Variants in RAP1GAP2 observed in about 807,000 individuals in gnomAD.
The protein encoded by RAP1GAP2 is RAP1 GTPase activating protein 2.
Under a neutral mutation model 95.0 loss-of-function variants are expected in RAP1GAP2, and 27 were observed. That is an observed-to-expected ratio of 0.28 (90% confidence interval 0.21 to 0.39). The LOEUF (loss-of-function observed/expected upper bound fraction) is 0.39. RAP1GAP2 is among the 10% of genes least tolerant of loss of function. RAP1GAP2 has a pLI of 1.00. For synonymous variants in RAP1GAP2, 373 were observed against 380.9 expected (o/e 0.98, Z 0.24); for missense variants, 771 against 970.0 (o/e 0.79, Z 2.72).
rs138323334 is a variant in RAP1GAP2, at chr17:2,933,999, A to G, written c.166-23760A>G. Among the ~76,000 whole-genome samples the G allele has an allele frequency of 8.9e-3, 1,353 of 152,362 alleles. 12 individuals carry two copies. The highest frequency in any genetic ancestry group is 0.03 in the African/African-American group (1,236 of 41,584). On this transcript the variant is annotated intron_variant, in intron 3 of 24. Coordinates refer to ENST00000254695, the MANE Select transcript of RAP1GAP2 (RefSeq NM_015085.5). ...TGGGGCCGATTGCCCCAAGGCAGCCACGCCCTTACAGAGCCTCTTGCAAAT... is the reference window on the plus strand; with the variant it reads ...TGGGGCCGATTGCCCCAAGGCAGCCGCGCCCTTACAGAGCCTCTTGCAAAT...
intron 3 of RAP1GAP2, among the ~76,000 whole-genome samples, chr17:2,908,653 C>T (rs1257691008): frequency 6.6e-6 from 1 of 151,988 alleles, no homozygotes; most frequent in East Asian, 1.9e-4. Context: ...CATGGGACAA[C>T]CATTCTCTGA....
In RAP1GAP2 at chr17:2,756,702, A is replaced by G. The variant is rs575112890; in HGVS notation, c.50+935A>G. Among the ~76,000 whole-genome samples, 6 of 152,236 alleles carry G rather than the reference A, an allele frequency of 3.9e-5. No individual in the cohort carries two copies. In the East Asian group the frequency reaches 9.6e-4, roughly 24 times the overall value. Reference sequence around the variant, plus strand: ...AGGTACATTCTGTAGCCTGCATACAATGAACAATAATGTCATCAATAACAG... The same window carrying G: ...AGGTACATTCTGTAGCCTGCATACAGTGAACAATAATGTCATCAATAACAG... On this transcript the variant is annotated intron_variant, in intron 1 of 25. Coordinates refer to the RAP1GAP2 transcript ENST00000637138.
chr17:3,005,901 CCTT>C lies in RAP1GAP2; in HGVS notation c.1273-51_1273-49del. 1.3e-6 allele frequency: 2 copies of C among 1,536,542 alleles called. No individual in the cohort carries two copies. The highest frequency in any genetic ancestry group is 1.8e-6 in the Non-Finnish European group (2 of 1,109,648). On this transcript the variant is annotated intron_variant, in intron 15 of 24. Transcript: ENST00000254695. This position sits in a 1 kb window ranked among gnomAD's most constrained non-coding sequence, Gnocchi z 5.2. ...GCCTGCCTGTCACTGTGGCTGAAGACCTTCTGGCAACAGCCGAGAGTGACAGAC... is the reference window on the plus strand; with the variant it reads ...GCCTGCCTGTCACTGTGGCTGAAGACCTGGCAACAGCCGAGAGTGACAGAC...
At chr17:2,785,535 T>C (rs1315137535) in intron 1 of RAP1GAP2, among the ~76,000 whole-genome samples, 3 of 152,300 alleles carry the variant, frequency 2.0e-5, no homozygotes, top group Middle Eastern at 3.4e-3. Flanking sequence ...TTCCAGACAC[T>C]GTATGAAAAA....
intron 2 of RAP1GAP2, among the ~76,000 whole-genome samples, chr17:2,830,956 TCCC>T (rs1244331133): frequency 1.0e-5 from 1 of 95,406 alleles, no homozygotes; most frequent in Non-Finnish European, 2.1e-5. Context: ...TCCCTTCCCC[TCCC>T]CTCCCCTTCC....
At chr17:2,910,561 G>A (rs890159899) in intron 3 of RAP1GAP2, among the ~76,000 whole-genome samples, 11 of 152,262 alleles carry the variant, frequency 7.2e-5, no homozygotes, top group African/African-American at 2.6e-4. Flanking sequence ...CTCAGGGAGG[G>A]TGTGGCAGGG....
chr17:3,008,686 T>G lies in RAP1GAP2; in HGVS notation c.1494+541T>G, dbSNP rs34773000. On this transcript the variant is annotated intron_variant, in intron 17 of 24. Coordinates refer to ENST00000254695, the MANE Select transcript of RAP1GAP2 (RefSeq NM_015085.5). The surrounding 1 kb of genome is among the most constrained non-coding windows in gnomAD (Gnocchi z 4.2). ...AAAAAAACTAACTAGAAGGAGCTGC[T>G]AAAGGAAGCAGTGAGCTCCCTGTCC... is the stretch of plus-strand genomic sequence containing the variant. Among the ~76,000 whole-genome samples, 22,947 of 152,228 alleles carry G rather than the reference T, an allele frequency of 0.15. 1,992 individuals carry two copies. Among genetic ancestry groups the G allele is most frequent in the Middle Eastern group, 0.27 (78 of 294 alleles).
intron 2 of RAP1GAP2, among the ~76,000 whole-genome samples, chr17:2,893,613 C>T (rs564426988): frequency 1.3e-5 from 2 of 152,318 alleles, no homozygotes; most frequent in East Asian, 3.9e-4. Context: ...TGCTGATAGC[C>T]CACACCTTGT....
At chr17:2,927,359 T>G (rs868322395) in intron 3 of RAP1GAP2, among the ~76,000 whole-genome samples, 1 of 151,976 alleles carries the variant, frequency 6.6e-6, no homozygotes, top group Admixed American at 6.6e-5. Context: ...TTCACCGTGT[T>G]AGCCAGGATG....
chr17:3,020,189 CCTT>C (rs1203511395), intron 18 of RAP1GAP2, among the ~76,000 whole-genome samples: 2 of 152,178 alleles, frequency 1.3e-5, no homozygotes, highest in Admixed American at 6.5e-5. Context: ...ATTGTTCTGA[CCTT>C]CTCAATTTGG....
chr17:2,918,761 C>T (rs1452161132), intron 3 of RAP1GAP2, among the ~76,000 whole-genome samples: 1 of 152,136 alleles, frequency 6.6e-6, no homozygotes, highest in Non-Finnish European at 1.5e-5. Context: ...ACCTCCAGCA[C>T]TGAGGGTTAC....
rs749412573 is a variant in RAP1GAP2 at position 2,962,681 on chromosome 17, TGAA to T, written c.216_218del (p.Glu73del). On this transcript the variant is annotated inframe_deletion, in exon 5 of 25. Transcript: ENST00000254695. ...CCTTGTTTCTATAGGGGATCAAGCT[TGAA>T]GAGCAGAAGCCGGGACCCCAGAAGA... is the stretch of plus-strand genomic sequence containing the variant. 4.6e-5 allele frequency: 74 copies of T among 1,594,564 alleles called. No individual in the cohort carries two copies. The highest frequency in any genetic ancestry group is 1.8e-4 in the Middle Eastern group (1 of 5,452).
chr17:2,969,900 G>C (rs1012888237), intron 8 of RAP1GAP2, among the ~76,000 whole-genome samples: 1 of 151,930 alleles, frequency 6.6e-6, no homozygotes, highest in Non-Finnish European at 1.5e-5. Context: ...AGATTTTTCC[G>C]TATTAGCATA....
At chr17:2,762,206 C>T (rs2071266937) in intron 1 of RAP1GAP2, among the ~76,000 whole-genome samples, 1 of 151,500 alleles carries the variant, frequency 6.6e-6, no homozygotes, top group South Asian at 2.1e-4. Context: ...CCAGGATGAT[C>T]TCGATCTCCT....
rs187750231 is a variant in RAP1GAP2, at chr17:2,936,781, G to C, written c.166-20978G>C. Among the ~76,000 whole-genome samples, 5 of 152,202 alleles carry C rather than the reference G, an allele frequency of 3.3e-5. No homozygotes were observed. In the East Asian group the frequency reaches 9.7e-4, roughly 30 times the overall value. The stretch of plus-strand genomic sequence containing the variant: ...GAATAACTCTCTGGAAGTCCTCCCG[G>C]GACCCCCTTCCTTGCAGGAGAGCCA... On this transcript the variant is annotated intron_variant, in intron 3 of 24. Coordinates refer to ENST00000254695, the MANE Select transcript of RAP1GAP2 (RefSeq NM_015085.5).
intron 17 of RAP1GAP2, among the ~76,000 whole-genome samples, chr17:3,012,810 T>C (rs928418575): frequency 1.3e-5 from 2 of 152,110 alleles, no homozygotes; most frequent in Non-Finnish European, 2.9e-5. Flanking sequence ...CTGTACGTTA[T>C]GTTTGAACGA....
At chr17:3,013,214 C>T (rs1056842408) in intron 17 of RAP1GAP2, among the ~76,000 whole-genome samples, 2 of 152,228 alleles carry the variant, frequency 1.3e-5, no homozygotes, top group African/African-American at 4.8e-5. Context: ...GCAGTACCTG[C>T]AGGGAGGTAC....
chr17:2,961,545 G>T (rs144997855), intron 4 of RAP1GAP2, among the ~76,000 whole-genome samples: 1,885 of 152,284 alleles, frequency 0.012, 40 homozygotes, highest in African/African-American at 0.043. Flanking sequence ...AAACAAAACT[G>T]TTGGACAGGG....
chr17:3,010,336 C>CAAA lies in RAP1GAP2; in HGVS notation c.1494+2213_1494+2215dup, dbSNP rs1179623628. 9.4e-4 allele frequency among the ~76,000 whole-genome samples: 66 copies of CAAA among 70,230 alleles called. 2 individuals carry two copies. Among genetic ancestry groups the CAAA allele is most frequent in the East Asian group, 2.8e-3 (7 of 2,502 alleles). 46.1% of individuals were successfully genotyped at this position (70,230 alleles called of 152,430 possible). ...GCCTGGAGACAGGGCGAGACTGTCT[C>CAAA]AAAAAAAAAAAAAAAAAAAAAAAAG... On this transcript the variant is annotated intron_variant, in intron 17 of 24. Coordinates refer to ENST00000254695, the MANE Select transcript of RAP1GAP2 (RefSeq NM_015085.5).
Sources: allele counts gnomAD v4.1 joint callset (sites outside exome capture counted in the v4.1 genomes callset), GRCh38; gene constraint gnomAD v4.1.1; non-coding constraint Gnocchi (gnomAD v3.1); transcripts MANE v1.5; gene names NCBI Gene and HGNC (gene_info 2026-07-23, HGNC 2026-07-21).